RNF24: variants seen among roughly 807,000 people sequenced by gnomAD.
The protein encoded by RNF24 is ring finger protein 24.
RNF24 carries 14 observed loss-of-function variants against 20.0 expected under a neutral mutation model. The observed-to-expected ratio is 0.70, with a 90% CI of 0.46 to 1.10. RNF24 has a LOEUF of 1.10. Among genes scored for constraint, RNF24 ranks in the 50% least tolerant of loss-of-function variants. The probability of loss-of-function intolerance (pLI) is 0.00; values close to 1 mark genes in which losing one functional copy is unlikely to be tolerated. For missense variants in RNF24, 124 were observed against 177.6 expected, an observed-to-expected ratio of 0.70 and a Z score of 1.71; for synonymous variants, 45 against 61.1, an observed-to-expected ratio of 0.74 and a Z score of 1.23.
At chr20:3,974,322 G>A (rs1166725121) in intron 1 of RNF24, 1 of 1,550,236 alleles carries the variant, frequency 6.5e-7, no homozygotes, top group Non-Finnish European at 8.7e-7. Context: ...GTGAAAGACT[G>A]AATACTTACC....
At chr20:3,957,058 C>T (rs184101423) in intron 2 of RNF24, among the ~76,000 whole-genome samples, 7 of 151,936 alleles carry the variant, frequency 4.6e-5, no homozygotes, top group African/African-American at 7.2e-5. Context: ...TTTGGGAGGC[C>T]GAGGCGGGTG....
At chr20:3,969,876 T>C (rs989352275) in intron 1 of RNF24, among the ~76,000 whole-genome samples, 7 of 151,504 alleles carry the variant, frequency 4.6e-5, no homozygotes, top group Non-Finnish European at 1.0e-4. Flanking sequence ...GTTCAAGCGA[T>C]TGTCCTGCCT....
Position 3,944,259 on chromosome 20 carries a change from TC to T in RNF24, c.228+917del, listed in dbSNP as rs553801262. On this transcript the variant is annotated intron_variant, in intron 4 of 5. Transcript: ENST00000358395. Reference sequence around the variant, plus strand: ...AACAGTAATTAATGCTTCAGTTTAATCCAAGGCTAGGTCTAAAATGCCATTA... The same window carrying T: ...AACAGTAATTAATGCTTCAGTTTAATCAAGGCTAGGTCTAAAATGCCATTA... 2.6e-3 allele frequency among the ~76,000 whole-genome samples: 393 copies of T among 149,960 alleles called. 3 individuals are homozygous for T. The highest frequency in any genetic ancestry group is 9.0e-3 in the African/African-American group (368 of 40,932).
chr20:3,954,166 C>G (rs946572596), intron 2 of RNF24, among the ~76,000 whole-genome samples: 3 of 152,196 alleles, frequency 2.0e-5, no homozygotes, highest in Non-Finnish European at 4.4e-5. Flanking sequence ...TGTTGTCCAT[C>G]TACCAGCTAT....
At chr20:3,936,477 T>C (rs1421324835) in intron 4 of RNF24, among the ~76,000 whole-genome samples, 2 of 152,226 alleles carry the variant, frequency 1.3e-5, no homozygotes, top group Non-Finnish European at 2.9e-5. Context: ...TTTTTATTGA[T>C]GTCTACATTT....
chr20:3,972,337 C>G (rs1978421181), intron 1 of RNF24, among the ~76,000 whole-genome samples: 1 of 152,160 alleles, frequency 6.6e-6, no homozygotes, highest in Non-Finnish European at 1.5e-5. Context: ...CTAGCAACAG[C>G]AAAATATACA....
intron 1 of RNF24, among the ~76,000 whole-genome samples, chr20:3,990,884 A>T (rs994924744): frequency 1.4e-5 from 2 of 145,970 alleles, no homozygotes; most frequent in Admixed American, 1.4e-4. Flanking sequence ...TCTAAAAATT[A>T]AAAAAAAAAA....
At chr20:3,993,862 T>C (rs564091466) in intron 1 of RNF24, among the ~76,000 whole-genome samples, 29 of 152,346 alleles carry the variant, frequency 1.9e-4, no homozygotes, top group South Asian at 6.2e-4. Context: ...TTTCGATTTA[T>C]AGAAAAGTTG....
intron 4 of RNF24, 118 bp from the exon 5 acceptor site, chr20:3,935,191 T>TAAA: frequency 1.7e-6 from 1 of 572,382 alleles, no homozygotes; most frequent in South Asian, 2.4e-5. Context: ...ACTCTTATCT[T>TAAA]AAAAAAAAAA....
intron 1 of RNF24, among the ~76,000 whole-genome samples, chr20:3,966,584 G>A (rs536447505): frequency 1.3e-5 from 2 of 151,542 alleles, no homozygotes; most frequent in South Asian, 4.2e-4. Flanking sequence ...TGTCTCTGGA[G>A]AGGATTCCAC....
intron 1 of RNF24, among the ~76,000 whole-genome samples, chr20:3,982,805 C>T (rs1244177188): frequency 6.6e-6 from 1 of 152,056 alleles, no homozygotes; most frequent in East Asian, 1.9e-4. Flanking sequence ...GGAAGGACTG[C>T]TTAGGCCCGG....
chr20:3,962,579 C>T (rs928314282), intron 2 of RNF24, among the ~76,000 whole-genome samples: 2 of 151,954 alleles, frequency 1.3e-5, no homozygotes, highest in Admixed American at 1.3e-4. Flanking sequence ...AAGTCTAGAA[C>T]TTAAAAGTGG....
intron 1 of RNF24, among the ~76,000 whole-genome samples, chr20:4,001,814 G>T (rs897405708): frequency 6.6e-6 from 1 of 152,108 alleles, no homozygotes; most frequent in Admixed American, 6.6e-5. Context: ...TGGGCATGGT[G>T]ACATGTGCCT....
chr20:3,933,172 GC>G lies in RNF24; in HGVS notation c.*890del, dbSNP rs2090846667. 8 of 384,950 alleles carry G rather than the reference GC, an allele frequency of 2.1e-5. No individual in the cohort carries two copies. Among genetic ancestry groups the G allele is most frequent in the Non-Finnish European group, 3.2e-5 (7 of 219,294 alleles). The allele number at this position is 384,950 out of a possible 1,614,324, so 23.8% of individuals were successfully genotyped here. On this transcript the variant is annotated 3_prime_UTR_variant, in exon 6 of 6. Transcript: ENST00000358395. ...AAAGGGTCGGCATTCCCTTCATCCAGCCGGGCCAGAAGTATGGGCCATTCTC... is the reference window on the plus strand; with the variant it reads ...AAAGGGTCGGCATTCCCTTCATCCAGCGGGCCAGAAGTATGGGCCATTCTC...
chr20:3,990,918 A>C (rs1442437186), intron 1 of RNF24, among the ~76,000 whole-genome samples: 1 of 152,084 alleles, frequency 6.6e-6, no homozygotes, highest in Non-Finnish European at 1.5e-5. Flanking sequence ...CAGTTCCATG[A>C]TAACATTGCT....
intron 3 of RNF24, among the ~76,000 whole-genome samples, chr20:3,947,187 C>T (rs1486535090): frequency 6.6e-6 from 1 of 151,342 alleles, no homozygotes; most frequent in African/African-American, 2.5e-5. Flanking sequence ...AGCGAGACTC[C>T]GTCTCAAAAA....
At chr20:3,974,372 C>T in intron 1 of RNF24, 1 of 1,549,882 alleles carries the variant, frequency 6.5e-7, no homozygotes, top group Non-Finnish European at 8.7e-7. Flanking sequence ...CTGCTCTCAC[C>T]ACTCTTATTC....
intron 4 of RNF24, among the ~76,000 whole-genome samples, chr20:3,944,182 C>A (rs241628): frequency 0.32 from 46,637 of 147,916 alleles, 8,051 homozygotes; most frequent in African/African-American, 0.47. Flanking sequence ...TGCACTCCAG[C>A]CTGGATGACA....
intron 2 of RNF24, among the ~76,000 whole-genome samples, chr20:3,950,776 T>G (rs931327589): frequency 6.6e-6 from 1 of 152,220 alleles, no homozygotes; most frequent in Non-Finnish European, 1.5e-5. Context: ...ATAGTACAAT[T>G]ATCAAAACCA....
Sources: allele counts gnomAD v4.1 joint callset (sites outside exome capture counted in the v4.1 genomes callset), GRCh38; gene constraint gnomAD v4.1.1; transcripts MANE v1.5; gene names NCBI Gene and HGNC (gene_info 2026-07-23, HGNC 2026-07-21).